Variants in CAMTA1 observed in about 807,000 individuals in gnomAD.
The protein encoded by CAMTA1 is calmodulin binding transcription activator 1.
CAMTA1 carries 27 observed loss-of-function variants against 170.9 expected under a neutral mutation model. The ratio of observed to expected loss-of-function variants is 0.16; its 90% CI spans 0.12 to 0.22. The LOEUF is 0.22. Ranked by LOEUF, CAMTA1 falls within the 10% of genes least tolerant of loss-of-function variation. The pLI, the probability that CAMTA1 is intolerant of heterozygous loss-of-function variation, is 1.00. For missense variants in CAMTA1, 1,619 were observed against 2,217.2 expected (o/e 0.73, Z 5.42); for synonymous variants, 833 against 891.5 (o/e 0.93, Z 1.17).
At position 6,956,612 on chromosome 1, in the gene CAMTA1, G is replaced by A. The variant is rs1689500852; in HGVS notation, c.234+131402G>A. On this transcript the variant is annotated intron_variant, in intron 3 of 22. Transcript: ENST00000303635. The stretch of plus-strand genomic sequence containing the variant: ...ATTCTCTTAAATGAACTTGTCGGTG[G>A]CAGCAGTACCTGTGTGGCGGTGTTG... 2.6e-5 allele frequency among the ~76,000 whole-genome samples: 4 copies of A among 152,304 alleles called. No homozygotes were observed. The South Asian group carries it at 8.3e-4, about 32-fold the overall frequency.
intron 3 of CAMTA1, among the ~76,000 whole-genome samples, chr1:6,871,132 T>C (rs1213281799): frequency 6.6e-6 from 1 of 152,172 alleles, no homozygotes; most frequent in Non-Finnish European, 1.5e-5. Context: ...AAAAAACCCT[T>C]GTAGATATTC....
At chr1:7,578,452 G>C (rs552642511) in intron 6 of CAMTA1, among the ~76,000 whole-genome samples, 1 of 152,330 alleles carries the variant, frequency 6.6e-6, no homozygotes, top group East Asian at 1.9e-4. Context: ...AGGGCCAAGC[G>C]GTGTGGAGGC....
At chr1:7,348,449 CTCGTGG>C (rs2084390057) in intron 5 of CAMTA1, among the ~76,000 whole-genome samples, 1 of 152,184 alleles carries the variant, frequency 6.6e-6, no homozygotes, top group African/African-American at 2.4e-5. Flanking sequence ...GTGGGGCCCA[CTCGTGG>C]TCCAGACAGC....
intron 3 of CAMTA1, among the ~76,000 whole-genome samples, chr1:7,051,052 G>T (rs1178331877): frequency 1.3e-5 from 2 of 152,162 alleles, no homozygotes; most frequent in East Asian, 3.9e-4. Flanking sequence ...TTATGTTTTG[G>T]TCGTGATTGG....
chr1:7,502,038 C>A (rs1009041048), intron 6 of CAMTA1, among the ~76,000 whole-genome samples: 1 of 152,206 alleles, frequency 6.6e-6, no homozygotes. Flanking sequence ...TCAAGCCCCC[C>A]GGAGGAGGAA....
chr1:7,183,978 C>T (rs1652743144), intron 4 of CAMTA1, among the ~76,000 whole-genome samples: 1 of 152,070 alleles, frequency 6.6e-6, no homozygotes. Context: ...TGGAAGCAAC[C>T]TAAGTGTCCA....
intron 3 of CAMTA1, among the ~76,000 whole-genome samples, chr1:6,993,793 C>T (rs78361046): frequency 0.02 from 3,100 of 152,216 alleles, 52 homozygotes; most frequent in Non-Finnish European, 0.033. Context: ...CTTTTTCCTA[C>T]ATTCTGACAA....
chr1:6,955,500 T>C (rs1689299633), intron 3 of CAMTA1, among the ~76,000 whole-genome samples: 1 of 152,194 alleles, frequency 6.6e-6, no homozygotes, highest in South Asian at 2.1e-4. Flanking sequence ...CCTGGCCTTG[T>C]GGCCCTGGAC....
intron 11 of CAMTA1, among the ~76,000 whole-genome samples, chr1:7,688,507 G>A (rs973338609): frequency 1.3e-5 from 2 of 152,150 alleles, no homozygotes; most frequent in East Asian, 1.9e-4. Flanking sequence ...GGAAACCAAG[G>A]GAGGTGCCAG....
chr1:7,398,683 GT>G (rs1553156439), intron 5 of CAMTA1, among the ~76,000 whole-genome samples: 1 of 151,980 alleles, frequency 6.6e-6, no homozygotes, highest in Non-Finnish European at 1.5e-5. Context: ...ATTTTTAAGT[GT>G]TTTTTGGCTC....
chr1:7,245,215 AT>A (rs1665568413), intron 4 of CAMTA1, among the ~76,000 whole-genome samples: 1 of 150,790 alleles, frequency 6.6e-6, no homozygotes, highest in East Asian at 2.0e-4. Context: ...ATATATATAT[AT>A]CACACACACA....
chr1:7,068,557 C>G (rs982037166), intron 3 of CAMTA1, among the ~76,000 whole-genome samples: 1 of 152,010 alleles, frequency 6.6e-6, no homozygotes, highest in Admixed American at 6.6e-5. Context: ...GTGTGAGGTG[C>G]CAGAGAAAAT....
chr1:6,798,082 C>T (rs978732595), intron 1 of CAMTA1, among the ~76,000 whole-genome samples: 2 of 151,596 alleles, frequency 1.3e-5, no homozygotes, highest in Admixed American at 6.6e-5. Context: ...TTGCAACCTC[C>T]GCCGCCTTGG....
intron 6 of CAMTA1, among the ~76,000 whole-genome samples, chr1:7,468,639 T>G (rs2093267926): frequency 6.6e-6 from 1 of 152,214 alleles, no homozygotes; most frequent in Non-Finnish European, 1.5e-5. Context: ...TCAAAATGCA[T>G]CCTCTGATTT....
At chr1:7,351,646 C>A (rs1321500574) in intron 5 of CAMTA1, among the ~76,000 whole-genome samples, 1 of 152,208 alleles carries the variant, frequency 6.6e-6, no homozygotes, top group East Asian at 1.9e-4. Context: ...ATTGGAGAAA[C>A]ACATTCCATT....
At chr1:7,061,370 C>A (rs1708181162) in intron 3 of CAMTA1, among the ~76,000 whole-genome samples, 1 of 152,218 alleles carries the variant, frequency 6.6e-6, no homozygotes, top group Non-Finnish European at 1.5e-5. Flanking sequence ...CGTTGAAATA[C>A]CTCTGTGGCT....
intron 3 of CAMTA1, among the ~76,000 whole-genome samples, chr1:6,838,478 A>C (rs774652357): frequency 1.4e-4 from 22 of 152,182 alleles, no homozygotes; most frequent in Non-Finnish European, 2.8e-4. Flanking sequence ...CAGGAAAGGC[A>C]ATTTATACAG....
intron 3 of CAMTA1, among the ~76,000 whole-genome samples, chr1:7,061,967 G>T (rs1438501088): frequency 2.0e-5 from 3 of 152,208 alleles, no homozygotes; most frequent in African/African-American, 7.2e-5. Context: ...ATCCAGGCTG[G>T]AGTGAAGTGG....
At chr1:7,230,522 A>G (rs1017917517) in intron 4 of CAMTA1, among the ~76,000 whole-genome samples, 7 of 145,726 alleles carry the variant, frequency 4.8e-5, no homozygotes, top group African/African-American at 1.8e-4. Context: ...TCTCTGCCTC[A>G]TCGCCCATCA....
Sources: gnomAD v4.1 joint callset for allele counts (sites outside exome capture counted in the v4.1 genomes callset) on GRCh38, gnomAD v4.1.1 for gene constraint, MANE v1.5 for transcripts, NCBI Gene and HGNC (gene_info 2026-07-23, HGNC 2026-07-21) for gene names.